Variants in IQGAP3 observed in about 807,000 individuals in gnomAD.
IQGAP3 encodes IQ motif containing GTPase activating protein 3, also known as ras GTPase-activating-like protein IQGAP3.
In IQGAP3, 165 loss-of-function variants were observed where a neutral mutation model predicts 208.2. That is an observed-to-expected ratio of 0.79 (90% CI 0.70 to 0.90). IQGAP3 has a LOEUF of 0.90. Ranked by LOEUF, IQGAP3 falls within the 40% of genes least tolerant of loss-of-function variation. The pLI is 0.00. For synonymous variants in IQGAP3, 703 were observed against 803.6 expected, an observed-to-expected ratio of 0.87 and a Z score of 2.12; for missense variants, 1,811 against 2,043.1, an observed-to-expected ratio of 0.89 and a Z score of 2.19.
chr1:156,561,712 A>C (rs1055764766), intron 10 of IQGAP3, 126 bp downstream of exon 10: 22 of 939,478 alleles, frequency 2.3e-5, no homozygotes, highest in Non-Finnish European at 3.4e-5. Flanking sequence ...GGGTGATTTA[A>C]CCATTTAAAC....
intron 11 of IQGAP3, among the ~76,000 whole-genome samples, chr1:156,557,591 C>T (rs1675900032): frequency 1.2e-4 from 10 of 82,790 alleles, no homozygotes; most frequent in Non-Finnish European, 2.7e-4. Flanking sequence ...CCCGGCCAGC[C>T]GCCCCATCCG....
intron 19 of IQGAP3, among the ~76,000 whole-genome samples, chr1:156,545,141 C>G (rs941474191): frequency 1.3e-5 from 2 of 152,210 alleles, no homozygotes; most frequent in Non-Finnish European, 2.9e-5. Context: ...ATGGCCTCTC[C>G]CCTAGCTGAT....
chr1:156,539,756 C>T, intron 24 of IQGAP3, 82 bp downstream of exon 24: 1 of 1,511,496 alleles, frequency 6.6e-7, no homozygotes, highest in Non-Finnish European at 9.2e-7. Flanking sequence ...TGCATGGTGC[C>T]AAACGCACAG....
intron 15 of IQGAP3, 75 bp from the exon 16 acceptor site, chr1:156,550,426 G>A (rs1260130013): frequency 8.9e-7 from 1 of 1,121,266 alleles, no homozygotes; most frequent in African/African-American, 1.5e-5. Context: ...AGATGCCCAA[G>A]GGAACCAAAC....
Position 156,528,493 on chromosome 1 carries a change from C to T in IQGAP3, c.4673+16G>A, listed in dbSNP as rs750341070. 3 of 1,598,428 alleles carry T rather than the reference C, an allele frequency of 1.9e-6. No individual in the cohort carries two copies. Among genetic ancestry groups the T allele is most frequent in the Non-Finnish European group, 2.6e-6 (3 of 1,166,516 alleles). ...GACAGGAAGGGGCTGACATCCTGCC[C>T]TCCAAAGACACATACTGAGAGGCGG... is the stretch of plus-strand genomic sequence containing the variant. On this transcript the variant is annotated intron_variant, in intron 36 of 37. Coordinates refer to ENST00000361170, the MANE Select transcript of IQGAP3 (RefSeq NM_178229.5).
chr1:156,556,512 A>C, intron 12 of IQGAP3, 21 bp downstream of exon 12: 1 of 1,613,716 alleles, frequency 6.2e-7, no homozygotes, highest in East Asian at 2.2e-5. Flanking sequence ...GCAGAGCTAG[A>C]CCCACATTTC....
intron 9 of IQGAP3, among the ~76,000 whole-genome samples, 200 bp from the exon 10 acceptor site, chr1:156,562,201 C>T (rs1676186318): frequency 6.6e-6 from 1 of 152,012 alleles, no homozygotes; most frequent in African/African-American, 2.4e-5. Flanking sequence ...GCCCCAGACC[C>T]CAAGGATATC....
At chr1:156,559,119 T>A (rs1163469208) in intron 11 of IQGAP3, among the ~76,000 whole-genome samples, 7 of 814 alleles carry the variant, frequency 8.6e-3, no homozygotes, top group African/African-American at 8.7e-3. Context: ...GAATGATCAA[T>A]AAAAAAAAAA....
rs374432144 is a variant in IQGAP3 at position 156,534,016 on chromosome 1, G to A, written c.3866C>T (p.Thr1289Met). The A allele has an allele frequency of 1.6e-5, 26 of 1,613,684 alleles. No individual in the cohort carries two copies. Among genetic ancestry groups the A allele is most frequent in the East Asian group, 4.5e-5 (2 of 44,886 alleles). The part of the protein sequence containing the change: ...VYITVGELVN[T>M]HRLLLEHQDC... ...CAGATCTCAGCCCCTCACCCTGTGC[G>A]TGTTGACCAGCTCCCCCACGGTGAT... Residue 1289 changes from threonine (T) to methionine (M), a missense_variant, in exon 30 of 38, where the codon ACG becomes ATG. Transcript: ENST00000361170.
At chr1:156,551,361 C>G (rs949971344) in intron 15 of IQGAP3, among the ~76,000 whole-genome samples, 1 of 152,212 alleles carries the variant, frequency 6.6e-6, no homozygotes, top group African/African-American at 2.4e-5. Context: ...TTGATTTTCA[C>G]CCTCATTCTG....
chr1:156,528,027 T>G lies in IQGAP3; in HGVS notation c.4707A>C (p.Gly1569=), dbSNP rs1377457128. The G allele has an allele frequency of 2.5e-6, 4 of 1,614,070 alleles. No individual in the cohort carries two copies. The change falls in exon 37 of 38, where the codon GGA becomes GGC. Residue 1569 remains glycine, a synonymous_variant. Coordinates refer to ENST00000361170, the MANE Select transcript of IQGAP3 (RefSeq NM_178229.5). ...TTACTTCAAACTTTCCTGCCTCATC[T>G]CCCGGCGTGATGTCAAAGATGACGT... is the stretch of plus-strand genomic sequence containing the variant. ...FRNVIFDITP[G]DEAGKFEVNA...
At chr1:156,537,391 C>T in intron 26 of IQGAP3, 70 bp from the exon 27 acceptor site, 1 of 1,435,532 alleles carries the variant, frequency 7.0e-7, no homozygotes, top group Admixed American at 2.4e-5. Flanking sequence ...AGGCCCTATT[C>T]CTTAAACGCT....
At chr1:156,547,388 G>GACACACACACACACACACACACACAC (rs61344699) in intron 19 of IQGAP3, among the ~76,000 whole-genome samples, 6 of 147,424 alleles carry the variant, frequency 4.1e-5, no homozygotes, top group Non-Finnish European at 7.5e-5. Context: ...CAGACACACA[G>GACACACACACACACACACACACACAC]ACACACACAC....
chr1:156,562,389 A>G (rs999269312), intron 9 of IQGAP3, among the ~76,000 whole-genome samples, 198 bp downstream of exon 9: 1 of 152,034 alleles, frequency 6.6e-6, no homozygotes, highest in African/African-American at 2.4e-5. Context: ...AGCTTCCCGG[A>G]CATGGACTAC....
chr1:156,535,020 C>T, intron 28 of IQGAP3, 143 bp downstream of exon 28: 4 of 735,764 alleles, frequency 5.4e-6, no homozygotes, highest in Non-Finnish European at 9.6e-6. Context: ...GTGAGCCAGG[C>T]TCCATTTATA....
intron 27 of IQGAP3, 62 bp from the exon 28 acceptor site, chr1:156,535,309 A>T: frequency 8.3e-7 from 1 of 1,212,012 alleles, no homozygotes; most frequent in Admixed American, 1.9e-5. Flanking sequence ...TGCCAGAGAT[A>T]AGAGCTTGAG....
chr1:156,543,842 G>T, intron 22 of IQGAP3, 139 bp downstream of exon 22: 1 of 738,728 alleles, frequency 1.4e-6, no homozygotes. Context: ...TACAACTCCT[G>T]TTCCATGCTC....
Position 156,568,245 on chromosome 1 carries a change from C to T in IQGAP3, c.125+1131G>A, listed in dbSNP as rs144990979. 5.9e-5 allele frequency among the ~76,000 whole-genome samples: 9 copies of T among 152,250 alleles called. No individual in the cohort carries two copies. In the East Asian group the frequency reaches 1.5e-3, roughly 26 times the overall value. Reference sequence around the variant, plus strand: ...TTTGTTTTTTTTTGAGACAGAGTCTCACTCTTTCACCCAGGCTGGAGTGCA... The same window carrying T: ...TTTGTTTTTTTTTGAGACAGAGTCTTACTCTTTCACCCAGGCTGGAGTGCA... On this transcript the variant is annotated intron_variant, in intron 2 of 37. Coordinates refer to ENST00000361170, the MANE Select transcript of IQGAP3 (RefSeq NM_178229.5).
At chr1:156,529,188 A>G in intron 34 of IQGAP3, 106 bp from the exon 35 acceptor site, 1 of 1,221,578 alleles carries the variant, frequency 8.2e-7, no homozygotes, top group Middle Eastern at 2.8e-4. Flanking sequence ...CTTCGGAAGA[A>G]CAGGCTTCAA....
Sources: gnomAD v4.1 joint callset for allele counts (sites outside exome capture counted in the v4.1 genomes callset) on GRCh38, gnomAD v4.1.1 for gene constraint, MANE v1.5 for transcripts, NCBI Gene and HGNC (gene_info 2026-07-23, HGNC 2026-07-21) for gene names.